Variants in NTM observed in about 807,000 individuals in gnomAD.
The protein encoded by NTM is IgLON family member 2.
NTM carries 13 observed loss-of-function variants against 42.1 expected under a neutral mutation model. The ratio of observed to expected loss-of-function variants is 0.31; its 90% CI spans 0.20 to 0.49. The LOEUF (loss-of-function observed/expected upper bound fraction) is 0.49. NTM is among the 20% of genes least tolerant of loss of function. NTM has a pLI of 0.99. For missense variants in NTM, 373 were observed against 452.8 expected, an observed-to-expected ratio of 0.82 and a Z score of 1.60; for synonymous variants, 187 against 179.2, an observed-to-expected ratio of 1.04 and a Z score of -0.35.
intron 1 of NTM, among the ~76,000 whole-genome samples, chr11:131,751,936 A>T (rs1359784381): frequency 6.6e-6 from 1 of 152,196 alleles, no homozygotes; most frequent in Admixed American, 6.5e-5. Context: ...GTAGTGTGAT[A>T]CCTGACACGA....
intron 4 of NTM, among the ~76,000 whole-genome samples, chr11:132,229,116 C>T (rs2086913558): frequency 6.6e-6 from 1 of 152,174 alleles, no homozygotes; most frequent in South Asian, 2.1e-4. Context: ...ACCTCCTTCC[C>T]ACCTCCTCTT....
At chr11:131,890,939 C>T (rs1366565646) in intron 1 of NTM, among the ~76,000 whole-genome samples, 4 of 152,158 alleles carry the variant, frequency 2.6e-5, no homozygotes, top group Admixed American at 6.5e-5. Context: ...TGGGCAAGCA[C>T]GTCCCTGATT....
At chr11:132,315,109 T>A in intron 7 of NTM, 1 of 991,108 alleles carries the variant, frequency 1.0e-6, no homozygotes, top group Non-Finnish European at 1.2e-6. Context: ...TGATGGCTCC[T>A]AAGCTGACTG....
At chr11:131,723,312 T>G (rs2078586829) in intron 1 of NTM, among the ~76,000 whole-genome samples, 3 of 152,234 alleles carry the variant, frequency 2.0e-5, no homozygotes, top group African/African-American at 7.2e-5. Context: ...TGATGATGGA[T>G]GGGAGAGTGT....
At chr11:131,844,452 C>T (rs2044672608) in intron 1 of NTM, among the ~76,000 whole-genome samples, 1 of 152,074 alleles carries the variant, frequency 6.6e-6, no homozygotes, top group Non-Finnish European at 1.5e-5. Context: ...CTTAATTATT[C>T]GTGATACTTT....
At chr11:131,768,805 T>C (rs2085564553) in intron 1 of NTM, among the ~76,000 whole-genome samples, 1 of 152,198 alleles carries the variant, frequency 6.6e-6, no homozygotes, top group Non-Finnish European at 1.5e-5. Context: ...GTGGAAGCAT[T>C]TATGCCACCA....
At chr11:131,463,581 C>T (rs1951609666) in intron 1 of NTM, among the ~76,000 whole-genome samples, 2 of 152,150 alleles carry the variant, frequency 1.3e-5, no homozygotes, top group South Asian at 4.1e-4. Context: ...TATTAAATAT[C>T]CTATTACATA....
chr11:131,525,749 A>G (rs1048380941), intron 1 of NTM, among the ~76,000 whole-genome samples: 2 of 152,170 alleles, frequency 1.3e-5, no homozygotes, highest in South Asian at 2.1e-4. Flanking sequence ...TCCTAGATGT[A>G]TGAACTTTGG....
intron 1 of NTM, among the ~76,000 whole-genome samples, chr11:131,601,063 T>C (rs1020086850): frequency 3.3e-5 from 5 of 152,146 alleles, no homozygotes; most frequent in African/African-American, 1.2e-4. Flanking sequence ...ATGGGGCACC[T>C]CTCCATGCCT....
chr11:132,263,864 T>G (rs1286719452), intron 4 of NTM, among the ~76,000 whole-genome samples: 2 of 152,218 alleles, frequency 1.3e-5, no homozygotes, highest in African/African-American at 4.8e-5. Flanking sequence ...CTGTCTGAAA[T>G]CTCGTCAGAA....
At chr11:131,608,176 T>A (rs140399120) in intron 1 of NTM, among the ~76,000 whole-genome samples, 4,871 of 152,308 alleles carry the variant, frequency 0.032, 250 homozygotes, top group African/African-American at 0.11. Context: ...GATAGTTTGC[T>A]GAGAATGATG....
At chr11:132,221,117 T>C (rs1220533254) in intron 4 of NTM, among the ~76,000 whole-genome samples, 1 of 152,152 alleles carries the variant, frequency 6.6e-6, no homozygotes, top group East Asian at 1.9e-4. Flanking sequence ...CACTAGGTCC[T>C]CAGGTGTATT....
chr11:131,459,512 A>G (rs1198538632), intron 1 of NTM, among the ~76,000 whole-genome samples: 1 of 152,022 alleles, frequency 6.6e-6, no homozygotes, highest in Non-Finnish European at 1.5e-5. Context: ...TAGAAAAAAA[A>G]GAATTAATAG....
intron 2 of NTM, among the ~76,000 whole-genome samples, chr11:132,066,599 G>C (rs2056532980): frequency 6.6e-6 from 1 of 152,174 alleles, no homozygotes; most frequent in Non-Finnish European, 1.5e-5. Flanking sequence ...AGCCGCAGGA[G>C]CGTAGGGGAT....
chr11:131,905,229 T>C (rs1350670373), intron 1 of NTM, among the ~76,000 whole-genome samples: 1 of 152,212 alleles, frequency 6.6e-6, no homozygotes, highest in East Asian at 1.9e-4. Flanking sequence ...GTCCCACAGC[T>C]AGTAATGGAG....
chr11:132,335,293 G>T lies in NTM; in HGVS notation c.*147G>T. On this transcript the variant is annotated 3_prime_UTR_variant, in exon 9 of 9. Coordinates refer to ENST00000683400, the MANE Select transcript of NTM (RefSeq NM_001352005.2). Reference sequence around the variant, plus strand: ...CTCATGGGACAGAAATTTGAGGGAGGGGAACAAAGAATACTTTGGGGGGAA... The same window carrying T: ...CTCATGGGACAGAAATTTGAGGGAGTGGAACAAAGAATACTTTGGGGGGAA... 1 of 840,968 alleles carries T rather than the reference G, an allele frequency of 1.2e-6. No homozygotes were observed. Among genetic ancestry groups the T allele is most frequent in the South Asian group, 1.9e-5 (1 of 52,770 alleles). The allele number at this position is 840,968 out of a possible 1,614,324, so 52.1% of individuals were successfully genotyped here. A position where few individuals can be genotyped will look rare whatever the true frequency, so the allele number is the denominator to read the frequency against.
intron 1 of NTM, among the ~76,000 whole-genome samples, chr11:131,690,678 G>C (rs1460975433): frequency 6.6e-6 from 1 of 152,226 alleles, no homozygotes; most frequent in Non-Finnish European, 1.5e-5. Context: ...AGAATGGCTG[G>C]AAGCAGTGAG....
chr11:131,584,268 G>C (rs1031446227), intron 1 of NTM, among the ~76,000 whole-genome samples: 1 of 152,172 alleles, frequency 6.6e-6, no homozygotes, highest in African/African-American at 2.4e-5. Flanking sequence ...TGTGAAAAGT[G>C]AGCTGATCAG....
intron 2 of NTM, among the ~76,000 whole-genome samples, chr11:132,048,818 CTTTTTT>C (rs10563617): frequency 4.5e-5 from 6 of 133,000 alleles, no homozygotes; most frequent in Admixed American, 7.6e-5. Flanking sequence ...TTTCTTTTTT[CTTTTTT>C]TTTTTTTTTT....
Sources: gnomAD v4.1 joint callset for allele counts (sites outside exome capture counted in the v4.1 genomes callset) on GRCh38, gnomAD v4.1.1 for gene constraint, MANE v1.5 for transcripts, NCBI Gene and HGNC (gene_info 2026-07-23, HGNC 2026-07-21) for gene names.